DNAH6: variants seen among roughly 807,000 people sequenced by gnomAD.
The protein encoded by DNAH6 is dynein axonemal heavy chain 6.
DNAH6 carries 340 observed loss-of-function variants against 491.4 expected under a neutral mutation model. The ratio of observed to expected loss-of-function variants is 0.69; its 90% CI spans 0.63 to 0.76. The LOEUF is 0.76. Among genes scored for constraint, DNAH6 ranks in the 30% least tolerant of loss-of-function variants. DNAH6 has a pLI of 0.00. For synonymous variants in DNAH6, 1,603 were observed against 1,686.1 expected, an observed-to-expected ratio of 0.95 and a Z score of 1.21; for missense variants, 4,443 against 4,972.2, an observed-to-expected ratio of 0.89 and a Z score of 3.20.
At chr2:84,504,639 T>G in the DNAH6 span, among the ~76,000 whole-genome samples, 1 of 152,182 alleles carries the variant, frequency 6.6e-6, no homozygotes, top group Non-Finnish European at 1.5e-5. Context: ...CCAGTAACAC[T>G]GTGGTTTTTG....
the DNAH6 span, among the ~76,000 whole-genome samples, chr2:84,485,603 C>T: frequency 1.1e-4 from 16 of 152,202 alleles, no homozygotes; most frequent in Non-Finnish European, 2.1e-4. Flanking sequence ...GGCTGTACTA[C>T]GTGCTGCTGT....
intron 22 of DNAH6, among the ~76,000 whole-genome samples, chr2:84,613,141 G>A (rs1396253141): frequency 2.6e-5 from 4 of 151,176 alleles, no homozygotes; most frequent in Non-Finnish European, 5.9e-5. Flanking sequence ...GAGAGAGAGA[G>A]AGAGTGTGTG....
At chr2:84,799,334 T>C (rs1678664143) in intron 70 of DNAH6, among the ~76,000 whole-genome samples, 2 of 152,184 alleles carry the variant, frequency 1.3e-5, no homozygotes, top group Non-Finnish European at 2.9e-5. Flanking sequence ...CCACCACTTT[T>C]CCCTTACTGA....
chr2:84,525,144 T>A (rs1056231655), intron 2 of DNAH6, among the ~76,000 whole-genome samples: 7 of 151,802 alleles, frequency 4.6e-5, no homozygotes, highest in Non-Finnish European at 1.0e-4. Flanking sequence ...ATGCCACCTA[T>A]TTTTTTTAGA....
chr2:84,773,553 A>C (rs557163840), intron 64 of DNAH6, among the ~76,000 whole-genome samples: 1 of 152,030 alleles, frequency 6.6e-6, no homozygotes, highest in Non-Finnish European at 1.5e-5. Flanking sequence ...TTCTTAGTAG[A>C]ACAATTGATT....
chr2:84,476,456 C>T, the DNAH6 span, among the ~76,000 whole-genome samples: 1 of 152,218 alleles, frequency 6.6e-6, no homozygotes, highest in Non-Finnish European at 1.5e-5. Flanking sequence ...CTTAATTCAG[C>T]AGTTGGAACC....
intron 58 of DNAH6, among the ~76,000 whole-genome samples, chr2:84,717,342 T>C (rs1697637354): frequency 6.6e-6 from 1 of 152,224 alleles, no homozygotes. Flanking sequence ...TTTTTAGTAT[T>C]CTTTATATAA....
chr2:84,635,408 A>G (rs1688787601), intron 30 of DNAH6, among the ~76,000 whole-genome samples: 1 of 152,190 alleles, frequency 6.6e-6, no homozygotes, highest in African/African-American at 2.4e-5. Flanking sequence ...ATTTTCATAG[A>G]CACCAAAAAT....
chr2:84,522,483 T>C (rs1433564385), intron 2 of DNAH6, among the ~76,000 whole-genome samples: 1 of 152,202 alleles, frequency 6.6e-6, no homozygotes, highest in Non-Finnish European at 1.5e-5. Context: ...CTTGCCTGAT[T>C]GCTCTGGACA....
intron 13 of DNAH6, among the ~76,000 whole-genome samples, chr2:84,577,611 G>C (rs146326061): frequency 6.6e-6 from 1 of 151,998 alleles, no homozygotes; most frequent in East Asian, 1.9e-4. Context: ...GATAATGGAG[G>C]GGACTGCAGG....
chr2:84,466,841 CAAAG>C, the DNAH6 span, among the ~76,000 whole-genome samples: 4 of 152,258 alleles, frequency 2.6e-5, no homozygotes, highest in African/African-American at 4.8e-5. Flanking sequence ...ACATGATTGA[CAAAG>C]AAATTTGGTT....
intron 15 of DNAH6, among the ~76,000 whole-genome samples, chr2:84,586,912 G>T (rs894731004): frequency 1.1e-4 from 17 of 152,242 alleles, no homozygotes; most frequent in African/African-American, 2.9e-4. Context: ...AAGCAAAAGT[G>T]CCAGCACATG....
chr2:84,542,959 G>T (rs1678405653), intron 4 of DNAH6, among the ~76,000 whole-genome samples: 2 of 152,150 alleles, frequency 1.3e-5, no homozygotes, highest in Admixed American at 6.5e-5. Context: ...AGCAGTTCGA[G>T]ACCAGCCTGG....
In DNAH6 at chr2:84,688,551, T is replaced by C. The variant is rs1478628853; in HGVS notation, c.7250T>C (p.Val2417Ala). The C allele has an allele frequency of 1.3e-6, 2 of 1,544,622 alleles. No individual in the cohort carries two copies. Residue 2417 changes from valine to alanine, a missense_variant, in exon 45 of 77, where the codon GTA (valine) becomes GCA (alanine). Transcript: ENST00000389394. ...TATAATCTCACAAATCCCAAAGAAG[T>C]AAAGTTGGTGTTCTTCCAGGATGCT... is the stretch of plus-strand genomic sequence containing the variant. ...DDYNLTNPKE[V>A]KLVFFQDAIE...
intron 63 of DNAH6, among the ~76,000 whole-genome samples, chr2:84,755,127 G>A (rs1192350): frequency 0.25 from 37,938 of 152,130 alleles, 5,311 homozygotes; most frequent in African/African-American, 0.4. Flanking sequence ...CTTATCCCCA[G>A]TACAGCAGTG....
rs777548941 is a variant in DNAH6, at chr2:84,713,173, C to T, written c.9457C>T (p.Arg3153Cys). 1.4e-5 allele frequency: 21 copies of T among 1,551,670 alleles called. 1 individual carries two copies. Among genetic ancestry groups the T allele is most frequent in the Non-Finnish European group, 1.7e-5 (20 of 1,146,948 alleles). ...TATCAGTGGTGGCCGACTACTCATC[C>T]GTCTTGGAGACTCAGACATTGATTA... ...IFISGGRLLI[R>C]LGDSDIDYDK... The change falls in exon 57 of 77, where the codon CGT (arginine) becomes TGT (cysteine). Residue 3153 changes from arginine (R) to cysteine (C), a missense_variant. Physicochemically the swap from Arg to Cys is radical, Grantham distance 180 (BLOSUM62 -3). Transcript: ENST00000389394.
chr2:84,490,289 T>G, the DNAH6 span, among the ~76,000 whole-genome samples: 2 of 152,138 alleles, frequency 1.3e-5, no homozygotes, highest in Non-Finnish European at 2.9e-5. Flanking sequence ...TTCTTTCTCT[T>G]TTTCTTTTCT....
intron 24 of DNAH6, 68 bp downstream of exon 24, chr2:84,619,972 T>A: frequency 7.6e-7 from 1 of 1,316,758 alleles, no homozygotes; most frequent in Non-Finnish European, 1.1e-6. Context: ...ATTCTCACTC[T>A]AAGCATACAG....
chr2:84,633,661 G>A (rs988422146), intron 29 of DNAH6, among the ~76,000 whole-genome samples: 1 of 151,584 alleles, frequency 6.6e-6, no homozygotes, highest in South Asian at 2.1e-4. Flanking sequence ...CTTCTCAGTT[G>A]AACAGTCTGT....
Sources: allele counts gnomAD v4.1 joint callset (sites outside exome capture counted in the v4.1 genomes callset), GRCh38; gene constraint gnomAD v4.1.1; transcripts MANE v1.5; gene names NCBI Gene and HGNC (gene_info 2026-07-23, HGNC 2026-07-21).